LRFN5: variants seen among roughly 807,000 people sequenced by gnomAD.
LRFN5 encodes leucine-rich repeat and fibronectin type-III domain-containing protein 5.
Under a neutral mutation model 45.6 loss-of-function variants are expected in LRFN5, and 24 were observed. That is an observed-to-expected ratio of 0.53 (90% CI 0.38 to 0.74). The LOEUF is 0.74. Among genes scored for constraint, LRFN5 ranks in the 30% least tolerant of loss-of-function variants. The pLI is 0.00. For missense variants in LRFN5, 776 were observed against 861.5 expected, an observed-to-expected ratio of 0.90 and a Z score of 1.24; for synonymous variants, 340 against 313.8, an observed-to-expected ratio of 1.08 and a Z score of -0.88.
At chr14:41,654,015 A>T (rs1301761678) in intron 1 of LRFN5, among the ~76,000 whole-genome samples, 1 of 151,976 alleles carries the variant, frequency 6.6e-6, no homozygotes, top group Non-Finnish European at 1.5e-5. Context: ...ACTTGGGCAC[A>T]GGAAGGGGAA....
chr14:41,895,706 CTT>C (rs1281419186), intron 4 of LRFN5, among the ~76,000 whole-genome samples: 3 of 144,926 alleles, frequency 2.1e-5, no homozygotes, highest in African/African-American at 2.5e-5. Context: ...TTTATTTCCC[CTT>C]TTTTTTTTTT....
intron 1 of LRFN5, among the ~76,000 whole-genome samples, chr14:41,719,163 T>C (rs1566635286): frequency 6.6e-6 from 1 of 152,144 alleles, no homozygotes; most frequent in Non-Finnish European, 1.5e-5. Context: ...AGAGACCTCA[T>C]ATAAAGGAAT....
intron 1 of LRFN5, among the ~76,000 whole-genome samples, chr14:41,659,165 C>T (rs1880514729): frequency 6.6e-6 from 1 of 151,980 alleles, no homozygotes; most frequent in African/African-American, 2.4e-5. Context: ...AGCCCATCAT[C>T]TACATTAGGT....
At chr14:41,642,303 G>C (rs988191309) in intron 1 of LRFN5, among the ~76,000 whole-genome samples, 1 of 152,186 alleles carries the variant, frequency 6.6e-6, no homozygotes, top group South Asian at 2.1e-4. Flanking sequence ...TAGAGTAAAA[G>C]GTTGTTTGTG....
intron 1 of LRFN5, among the ~76,000 whole-genome samples, chr14:41,719,733 GTA>G (rs1390012078): frequency 1.3e-5 from 2 of 150,578 alleles, no homozygotes; most frequent in Admixed American, 6.6e-5. Context: ...GTATATATAT[GTA>G]TGTGTGTGTG....
chr14:41,630,197 A>G (rs1594564786), intron 1 of LRFN5, among the ~76,000 whole-genome samples: 1 of 152,074 alleles, frequency 6.6e-6, no homozygotes, highest in Admixed American at 6.6e-5. Context: ...ATCTGAAAAA[A>G]CTTTTATCAA....
rs1016074984 is a variant in LRFN5, at chr14:41,780,868, A to T, written c.-21+13839A>T. On this transcript the variant is annotated intron_variant, in intron 2 of 5. Transcript: ENST00000298119. Reference sequence around the variant, plus strand: ...TTATAGTACGGTTGCCCAAGTGTTTATAATATACATTTACCATAAATTATT... The same window carrying T: ...TTATAGTACGGTTGCCCAAGTGTTTTTAATATACATTTACCATAAATTATT... 7.2e-5 allele frequency among the ~76,000 whole-genome samples: 11 copies of T among 152,088 alleles called. No individual in the cohort carries two copies. The South Asian group carries it at 2.3e-3, about 31-fold the overall frequency.
At chr14:41,893,146 C>G (rs1890838074) in intron 4 of LRFN5, 2 of 983,324 alleles carry the variant, frequency 2.0e-6, no homozygotes, top group African/African-American at 3.5e-5. Flanking sequence ...CTATTTTAAC[C>G]AAAAACTGTG....
At chr14:41,759,635 T>C (rs988230344) in intron 1 of LRFN5, among the ~76,000 whole-genome samples, 4 of 152,170 alleles carry the variant, frequency 2.6e-5, no homozygotes, top group African/African-American at 7.2e-5. Context: ...TTTACCATAT[T>C]ACATACCTGG....
chr14:41,765,958 C>G (rs1885869432), intron 1 of LRFN5, among the ~76,000 whole-genome samples: 1 of 152,048 alleles, frequency 6.6e-6, no homozygotes, highest in Non-Finnish European at 1.5e-5. Flanking sequence ...ATTCATATAT[C>G]TTTACAAGTG....
intron 2 of LRFN5, among the ~76,000 whole-genome samples, chr14:41,816,045 C>G (rs1231303988): frequency 6.6e-6 from 1 of 152,076 alleles, no homozygotes; most frequent in African/African-American, 2.4e-5. Context: ...TAGTGTTTCA[C>G]AGAACACTGT....
chr14:41,715,352 T>G (rs903690456), intron 1 of LRFN5, among the ~76,000 whole-genome samples: 2 of 152,204 alleles, frequency 1.3e-5, no homozygotes, highest in African/African-American at 4.8e-5. Flanking sequence ...GTGGAATGTT[T>G]AACATTTTGA....
intron 1 of LRFN5, among the ~76,000 whole-genome samples, chr14:41,639,495 G>GAGT (rs1879464322): frequency 6.6e-6 from 1 of 152,034 alleles, no homozygotes; most frequent in African/African-American, 2.4e-5. Context: ...GTAACATTGA[G>GAGT]AGTATCATTT....
intron 1 of LRFN5, among the ~76,000 whole-genome samples, chr14:41,654,467 G>T (rs1566605532): frequency 6.6e-6 from 1 of 151,950 alleles, no homozygotes; most frequent in Non-Finnish European, 1.5e-5. Context: ...TAGGAAACTG[G>T]AAGAAATCAC....
At chr14:41,669,434 G>T (rs1213023787) in intron 1 of LRFN5, among the ~76,000 whole-genome samples, 1 of 151,896 alleles carries the variant, frequency 6.6e-6, no homozygotes, top group Non-Finnish European at 1.5e-5. Context: ...TTTAATACAA[G>T]AAAATGTAAA....
intron 2 of LRFN5, among the ~76,000 whole-genome samples, chr14:41,827,310 C>G (rs1253147699): frequency 6.6e-6 from 1 of 151,938 alleles, no homozygotes; most frequent in Non-Finnish European, 1.5e-5. Context: ...CATTTCTCAG[C>G]TGCTTAAAAA....
chr14:41,738,916 A>G (rs75184461), intron 1 of LRFN5, among the ~76,000 whole-genome samples: 2,292 of 152,344 alleles, frequency 0.015, 22 homozygotes, highest in Middle Eastern at 0.034. Context: ...TCTAACAGGT[A>G]TTATAGAACA....
At chr14:41,761,997 A>G (rs1885690175) in intron 1 of LRFN5, among the ~76,000 whole-genome samples, 1 of 152,074 alleles carries the variant, frequency 6.6e-6, no homozygotes, top group Admixed American at 6.6e-5. Flanking sequence ...TGAATCAGTT[A>G]TTAATTTAGC....
At chr14:41,704,461 T>TGTGTGTGTGA (rs1882980065) in intron 1 of LRFN5, among the ~76,000 whole-genome samples, 3 of 150,092 alleles carry the variant, frequency 2.0e-5, no homozygotes, top group Non-Finnish European at 4.5e-5. Context: ...TGTGTGTGTG[T>TGTGTGTGTGA]CTGTGAGATT....
Sources: allele counts gnomAD v4.1 joint callset (sites outside exome capture counted in the v4.1 genomes callset), GRCh38; gene constraint gnomAD v4.1.1; transcripts MANE v1.5; gene names NCBI Gene and HGNC (gene_info 2026-07-23, HGNC 2026-07-21).